Variants in RIPOR2 observed in about 807,000 individuals in gnomAD.
RIPOR2 encodes RHO family interacting cell polarization regulator 2, also known as rho family-interacting cell polarization regulator 2.
In RIPOR2, 39 loss-of-function variants were observed where a neutral mutation model predicts 114.5. The ratio of observed to expected loss-of-function variants is 0.34; its 90% CI spans 0.26 to 0.44. The LOEUF (loss-of-function observed/expected upper bound fraction) is 0.44. RIPOR2 is among the 20% of genes least tolerant of loss of function. The pLI is 1.00. For synonymous variants in RIPOR2, 445 were observed against 484.4 expected, an observed-to-expected ratio of 0.92 and a Z score of 1.07; for missense variants, 1,007 against 1,255.1, an observed-to-expected ratio of 0.80 and a Z score of 2.99.
chr6:24,849,682 C>T (rs1762661536), intron 11 of RIPOR2, 120 bp downstream of exon 11: 19 of 919,478 alleles, frequency 2.1e-5, no homozygotes, highest in Admixed American at 2.0e-4. Flanking sequence ...GGGTGGGGCC[C>T]GAGATTCTGC....
chr6:24,811,011 G>A (rs1781110130), intron 20 of RIPOR2, among the ~76,000 whole-genome samples: 1 of 150,754 alleles, frequency 6.6e-6, no homozygotes, highest in South Asian at 2.1e-4. Flanking sequence ...CACCATGTTG[G>A]CCAGGCTGGT....
intron 1 of RIPOR2, among the ~76,000 whole-genome samples, chr6:24,880,803 A>G (rs982092510): frequency 1.3e-5 from 2 of 152,158 alleles, no homozygotes; most frequent in Non-Finnish European, 2.9e-5. Context: ...CAAGTTCATT[A>G]CTTTTGTCTG....
At chr6:24,847,550 C>G in intron 12 of RIPOR2, 1 of 1,551,564 alleles carries the variant, frequency 6.4e-7, no homozygotes, top group Non-Finnish European at 8.7e-7. Context: ...ACATAGAGCT[C>G]TAGCACGGCC....
chr6:25,004,424 C>T (rs1775455994), intron 1 of RIPOR2, among the ~76,000 whole-genome samples: 1 of 152,182 alleles, frequency 6.6e-6, no homozygotes, highest in Admixed American at 6.5e-5. Context: ...TTCTCCTTGG[C>T]CTGGAGAGGG....
At position 24,806,328 on chromosome 6, in the gene RIPOR2, A is replaced by G; in HGVS notation, c.*45T>C. On this transcript the variant is annotated 3_prime_UTR_variant, in exon 22 of 22. Coordinates refer to ENST00000643898, the MANE Select transcript of RIPOR2 (RefSeq NM_001286445.3). ...CCCAAACCACAGCACCATCCTGATG[A>G]AAAGGGCCAGATATTAAGACAGCTG... 7.6e-7 allele frequency: 1 copy of G among 1,313,776 alleles called. No homozygotes were observed. The allele number at this position is 1,313,776 out of a possible 1,614,324, so 81.4% of individuals were successfully genotyped here. A position where few individuals can be genotyped will look rare whatever the true frequency, so the allele number is the denominator to read the frequency against.
intron 19 of RIPOR2, among the ~76,000 whole-genome samples, chr6:24,824,439 C>A (rs1365611097): frequency 6.6e-6 from 1 of 152,178 alleles, no homozygotes; most frequent in African/African-American, 2.4e-5. Context: ...TTTTCAAGGA[C>A]AAGGAGAGGC....
At chr6:24,809,210 T>C (rs1381434302) in intron 21 of RIPOR2, among the ~76,000 whole-genome samples, 1 of 152,216 alleles carries the variant, frequency 6.6e-6, no homozygotes, top group Non-Finnish European at 1.5e-5. Flanking sequence ...ATAAAATAAG[T>C]ACTCCAATTC....
At chr6:24,882,288 C>A (rs558776865) in intron 1 of RIPOR2, among the ~76,000 whole-genome samples, 78 of 152,298 alleles carry the variant, frequency 5.1e-4, no homozygotes, top group African/African-American at 1.9e-3. Flanking sequence ...AATTTCACTA[C>A]GAGACAGGTA....
intron 1 of RIPOR2, among the ~76,000 whole-genome samples, chr6:25,005,738 T>TATATACACATACATAC (rs34572978): frequency 1.4e-5 from 1 of 70,700 alleles, no homozygotes; most frequent in African/African-American, 4.1e-5. Flanking sequence ...TATATATATA[T>TATATACACATACATAC]ATACATTTAC....
chr6:24,843,591 C>A (rs1761956537), intron 12 of RIPOR2, 37 bp from the exon 13 acceptor site: 1 of 1,360,354 alleles, frequency 7.4e-7, no homozygotes, highest in Non-Finnish European at 9.9e-7. Flanking sequence ...ATTTTCAATA[C>A]AAATGATGCA....
At chr6:24,996,830 A>G (rs1775070381) in intron 1 of RIPOR2, among the ~76,000 whole-genome samples, 1 of 152,162 alleles carries the variant, frequency 6.6e-6, no homozygotes, top group Admixed American at 6.5e-5. Flanking sequence ...TCTCCATTGC[A>G]CTAGGAGGTC....
chr6:25,034,201 A>G (rs901605388), intron 1 of RIPOR2, among the ~76,000 whole-genome samples: 2 of 149,828 alleles, frequency 1.3e-5, no homozygotes, highest in Non-Finnish European at 2.9e-5. Flanking sequence ...ATGTTTCTGT[A>G]TTGTTTGATT....
rs1394269601 is a variant in RIPOR2, at chr6:24,872,969, TAAGAC to T, written c.345-15_345-11del. 4 of 1,581,610 alleles carry T rather than the reference TAAGAC, an allele frequency of 2.5e-6. No homozygotes were observed. The highest frequency in any genetic ancestry group is 1.3e-5 in the African/African-American group (1 of 74,278). ...AACCTCCAGATATTCACTGCAAAGA[TAAGAC>T]AAGATGTAATCGTAATCTCTGCGCC... On this transcript the variant is annotated splice_polypyrimidine_tract_variant and intron_variant, in intron 3 of 21. Transcript: ENST00000643898.
chr6:24,957,829 C>T (rs937380192), intron 1 of RIPOR2, among the ~76,000 whole-genome samples: 2 of 152,144 alleles, frequency 1.3e-5, no homozygotes, highest in African/African-American at 4.8e-5. Context: ...GAGCTGAGAT[C>T]GTGCCACTGC....
At chr6:25,008,989 A>G (rs904560804) in intron 1 of RIPOR2, among the ~76,000 whole-genome samples, 1 of 152,270 alleles carries the variant, frequency 6.6e-6, no homozygotes, top group Non-Finnish European at 1.5e-5. Context: ...GGATGAAGCC[A>G]GGACACTGAT....
intron 17 of RIPOR2, among the ~76,000 whole-genome samples, chr6:24,829,171 G>A (rs377132912): frequency 1.7e-4 from 26 of 152,058 alleles, no homozygotes; most frequent in African/African-American, 6.3e-4. Context: ...AAATTAGCTG[G>A]TCATGGTGGC....
chr6:25,028,007 T>C (rs1268632961), intron 1 of RIPOR2, among the ~76,000 whole-genome samples: 2 of 152,142 alleles, frequency 1.3e-5, no homozygotes, highest in African/African-American at 4.8e-5. Flanking sequence ...AGCCCGAGGG[T>C]TCTGCGTGTT....
chr6:24,925,680 G>A (rs1770814193), intron 1 of RIPOR2, among the ~76,000 whole-genome samples: 1 of 151,056 alleles, frequency 6.6e-6, no homozygotes. Context: ...CCAGCCTGGT[G>A]ACAGAGTGAG....
rs1187020758 is a variant in RIPOR2 at position 24,843,457 on chromosome 6, G to A, written c.1262C>T (p.Ala421Val). The change falls in exon 13 of 22, where the codon GCC becomes GTC. Residue 421 changes from alanine to valine, a missense_variant. Physicochemically the swap from Ala to Val is moderately conservative, Grantham distance 64 (BLOSUM62 0). Coordinates refer to ENST00000643898, the MANE Select transcript of RIPOR2 (RefSeq NM_001286445.3). ...GGAGCCTGTTGAGTGGGAGGTGAGG[G>A]CGCAGTCCCCGTTGGGCAGGTCACT... ...SFSDLPNGDCALTSHSTGSPS... is the reference protein window; with the variant it reads ...SFSDLPNGDCVLTSHSTGSPS... The A allele has an allele frequency of 1.2e-6, 2 of 1,609,712 alleles. No homozygotes were observed. Among genetic ancestry groups the A allele is most frequent in the Admixed American group, 3.3e-5 (2 of 59,880 alleles).
Sources: gnomAD v4.1 joint callset for allele counts (sites outside exome capture counted in the v4.1 genomes callset) on GRCh38, gnomAD v4.1.1 for gene constraint, MANE v1.5 for transcripts, NCBI Gene and HGNC (gene_info 2026-07-23, HGNC 2026-07-21) for gene names.